The following ETV6 variants were observed in gnomAD, a reference collection of about 807,000 sequenced individuals.
ETV6 encodes ETS variant transcription factor 6.
A neutral mutation model predicts 51.1 loss-of-function variants in ETV6; 16 were observed. The ratio of observed to expected loss-of-function variants is 0.31; its 90% CI spans 0.21 to 0.48. The LOEUF is 0.48. ETV6 is among the 20% of genes least tolerant of loss of function. The pLI is 0.99. For missense variants in ETV6, 458 were observed against 594.8 expected (o/e 0.77, Z 2.39); for synonymous variants, 240 against 224.1 (o/e 1.07, Z -0.64).
chr12:11,695,268 TCAGGGATAGGGA>T (rs1465080206), intron 1 of ETV6, among the ~76,000 whole-genome samples: 2 of 152,078 alleles, frequency 1.3e-5, no homozygotes, highest in East Asian at 3.9e-4. Flanking sequence ...AATAAGAAAG[TCAGGGATAGGGA>T]CAGGGATAGA....
chr12:11,892,245 C>CTTTT lies in ETV6; in HGVS notation c.*1202_*1205dup, dbSNP rs1212319349. ...TTTTTTTTTTTTTTCAATTCCTAACCTTTTTTAAAGTTTCCTGGTCTCCAC... is the reference window on the plus strand; with the variant it reads ...TTTTTTTTTTTTTTCAATTCCTAACCTTTTTTTTTTAAAGTTTCCTGGTCTCCAC... On this transcript the variant is annotated 3_prime_UTR_variant, in exon 8 of 8. Coordinates refer to ENST00000396373, the MANE Select transcript of ETV6 (RefSeq NM_001987.5). The CTTTT allele has an allele frequency of 1.5e-5, 3 of 195,454 alleles. No individual in the cohort carries two copies. Among genetic ancestry groups the CTTTT allele is most frequent in the Non-Finnish European group, 2.8e-5 (3 of 106,870 alleles). 12.1% of individuals were successfully genotyped at this position (195,454 alleles called of 1,614,324 possible). A position where few individuals can be genotyped will look rare whatever the true frequency, so the allele number is the denominator to read the frequency against.
intron 2 of ETV6, among the ~76,000 whole-genome samples, chr12:11,798,711 A>G (rs1333503163): frequency 6.6e-6 from 1 of 152,222 alleles, no homozygotes; most frequent in Non-Finnish European, 1.5e-5. Flanking sequence ...AATGCTTTGA[A>G]GTTGGCCCCC....
chr12:11,676,734 G>A (rs150024640), intron 1 of ETV6, among the ~76,000 whole-genome samples: 33 of 152,256 alleles, frequency 2.2e-4, no homozygotes, highest in Admixed American at 2.0e-3. Context: ...ATAAGCCCAC[G>A]AGATCAGAGC....
At chr12:11,766,809 G>A (rs1047351132) in intron 2 of ETV6, among the ~76,000 whole-genome samples, 9 of 152,190 alleles carry the variant, frequency 5.9e-5, no homozygotes, top group Non-Finnish European at 8.8e-5. Flanking sequence ...TCCTCAGGCC[G>A]GCCTTTAAAA....
chr12:11,837,446 CA>C (rs947357229), intron 2 of ETV6, among the ~76,000 whole-genome samples: 4 of 152,132 alleles, frequency 2.6e-5, no homozygotes, highest in African/African-American at 9.7e-5. Flanking sequence ...AGCCAACTAC[CA>C]TTCCTCAAAA....
At chr12:11,876,303 T>C (rs532661081) in intron 5 of ETV6, among the ~76,000 whole-genome samples, 19 of 152,334 alleles carry the variant, frequency 1.2e-4, no homozygotes, top group African/African-American at 4.3e-4. Context: ...TCAAAAATTA[T>C]TGCCAGTCTG....
chr12:11,748,985 G>A (rs1865959511), intron 1 of ETV6, among the ~76,000 whole-genome samples: 1 of 152,024 alleles, frequency 6.6e-6, no homozygotes, highest in African/African-American at 2.4e-5. Flanking sequence ...AGCGCTTTGT[G>A]CCGCCTCCTT....
At chr12:11,749,358 C>T (rs1865978071) in intron 1 of ETV6, among the ~76,000 whole-genome samples, 2 of 145,594 alleles carry the variant, frequency 1.4e-5, no homozygotes, top group Non-Finnish European at 3.0e-5. Flanking sequence ...CACCCCTACT[C>T]CCCATAATGT....
At chr12:11,877,378 G>A (rs907654994) in intron 5 of ETV6, among the ~76,000 whole-genome samples, 2 of 151,898 alleles carry the variant, frequency 1.3e-5, no homozygotes, top group African/African-American at 2.4e-5. Flanking sequence ...TAAAAGAGAA[G>A]TGTGAAGGGA....
intron 2 of ETV6, among the ~76,000 whole-genome samples, chr12:11,821,310 G>A (rs1946077747): frequency 6.6e-6 from 1 of 152,168 alleles, no homozygotes; most frequent in African/African-American, 2.4e-5. Flanking sequence ...AGCTTACAGT[G>A]AGCCGAGATG....
At chr12:11,671,385 T>C (rs1182420564) in intron 1 of ETV6, among the ~76,000 whole-genome samples, 1 of 152,136 alleles carries the variant, frequency 6.6e-6, no homozygotes, top group Middle Eastern at 3.2e-3. Context: ...GTCATTAGAT[T>C]TGGATAGAAA....
chr12:11,698,000 C>A (rs201571273), intron 1 of ETV6, among the ~76,000 whole-genome samples: 2 of 151,854 alleles, frequency 1.3e-5, no homozygotes, highest in East Asian at 3.9e-4. Context: ...AAATTGAAAA[C>A]AAAAAAAATT....
chr12:11,826,055 C>T (rs1250814151), intron 2 of ETV6, among the ~76,000 whole-genome samples: 3 of 151,988 alleles, frequency 2.0e-5, no homozygotes, highest in Non-Finnish European at 2.9e-5. Flanking sequence ...AGGCTGGTCT[C>T]GAACTCCTGG....
In ETV6 at chr12:11,872,149, C is replaced by T. The variant is rs183325169; in HGVS notation, c.1009+2180C>T. Among the ~76,000 whole-genome samples the T allele has an allele frequency of 2.0e-5, 3 of 152,312 alleles. No homozygotes were observed. In the East Asian group the frequency reaches 5.8e-4, roughly 29 times the overall value. On this transcript the variant is annotated intron_variant, in intron 5 of 7. Coordinates refer to ENST00000396373, the MANE Select transcript of ETV6 (RefSeq NM_001987.5). ...TAAGGTAGCTCATGACTGCAGTATT[C>T]ATCTTATGTGGAAGGGTCATTTGTA...
At chr12:11,735,494 A>C (rs548919816) in intron 1 of ETV6, among the ~76,000 whole-genome samples, 1 of 152,306 alleles carries the variant, frequency 6.6e-6, no homozygotes, top group South Asian at 2.1e-4. Context: ...AAACTACTTA[A>C]TTGAACAGCC....
At chr12:11,829,208 T>A (rs1396530066) in intron 2 of ETV6, among the ~76,000 whole-genome samples, 1 of 152,110 alleles carries the variant, frequency 6.6e-6, no homozygotes, top group African/African-American at 2.4e-5. Flanking sequence ...AGTATTTTGG[T>A]CTTCTGGAGA....
intron 1 of ETV6, among the ~76,000 whole-genome samples, chr12:11,657,995 G>A (rs1316629610): frequency 6.6e-6 from 1 of 152,200 alleles, no homozygotes; most frequent in African/African-American, 2.4e-5. Flanking sequence ...TCCTGAACTT[G>A]AACTTGTTCA....
chr12:11,890,119 A>G (rs1208660642), intron 7 of ETV6, among the ~76,000 whole-genome samples: 1 of 142,942 alleles, frequency 7.0e-6, no homozygotes, highest in Non-Finnish European at 1.5e-5. Context: ...ATAACATTGT[A>G]AAAGATTTTT....
chr12:11,762,082 C>G (rs553113533), intron 2 of ETV6, among the ~76,000 whole-genome samples: 1 of 152,312 alleles, frequency 6.6e-6, no homozygotes, highest in African/African-American at 2.4e-5. Flanking sequence ...GAGCATTTCC[C>G]TATGGTTCCT....
Sources: allele counts gnomAD v4.1 joint callset (sites outside exome capture counted in the v4.1 genomes callset), GRCh38; gene constraint gnomAD v4.1.1; transcripts MANE v1.5; gene names NCBI Gene and HGNC (gene_info 2026-07-23, HGNC 2026-07-21).